The following KCNU1 variants were observed in gnomAD, a reference collection of about 807,000 sequenced individuals.
KCNU1 encodes potassium calcium-activated channel subfamily U member 1.
KCNU1 carries 93 observed loss-of-function variants against 126.8 expected under a neutral mutation model. The observed-to-expected ratio is 0.73, with a 90% confidence interval of 0.62 to 0.87. The LOEUF (loss-of-function observed/expected upper bound fraction) is 0.87. KCNU1 is among the 40% of genes least tolerant of loss of function. The pLI, the probability that KCNU1 is intolerant of heterozygous loss-of-function variation, is 0.00. For missense variants in KCNU1, 1,330 were observed against 1,367.1 expected, an observed-to-expected ratio of 0.97 and a Z score of 0.43; for synonymous variants, 523 against 494.2, an observed-to-expected ratio of 1.06 and a Z score of -0.77.
chr8:36,883,574 AGGAGTTCAAGACCAG>A (rs1427006507), intron 19 of KCNU1, among the ~76,000 whole-genome samples: 1 of 152,116 alleles, frequency 6.6e-6, no homozygotes, highest in Non-Finnish European at 1.5e-5. Context: ...ACTTGAGCCC[AGGAGTTCAAGACCAG>A]CCTGGGCAAC....
rs1182230975 is a variant in KCNU1 at position 36,836,833 on chromosome 8, G to T, written c.1406G>T (p.Gly469Val). Residue 469 changes from glycine to valine, a missense_variant, in exon 14 of 27, where the codon GGA becomes GTA. By Grantham distance (109) the Gly-to-Val change is moderately radical. This residue lies in a region of KCNU1 where 1,054 missense variants were observed against 1,053.9 expected (regional missense o/e 1.00). Coordinates refer to ENST00000399881, the MANE Select transcript of KCNU1 (RefSeq NM_001031836.3). ...ATTCCCAGCTGGAACTGGGACACCG[G>T]AGACAACATCATCTGCTTTGCTGAA... The part of the protein sequence containing the change: ...PKIPSWNWDT[G>V]DNIICFAELK... 6.2e-7 allele frequency: 1 copy of T among 1,613,698 alleles called. No homozygotes were observed. Among genetic ancestry groups the T allele is most frequent in the Non-Finnish European group, 8.5e-7 (1 of 1,179,802 alleles).
intron 2 of KCNU1, among the ~76,000 whole-genome samples, chr8:36,790,268 C>T (rs1406025920): frequency 6.6e-6 from 1 of 151,628 alleles, no homozygotes; most frequent in Non-Finnish European, 1.5e-5. Flanking sequence ...AAAATATAAC[C>T]TCAAGATATG....
intron 24 of KCNU1, chr8:36,922,861 C>G (rs1366130989): frequency 3.4e-6 from 2 of 587,884 alleles, no homozygotes; most frequent in South Asian, 3.4e-5. Flanking sequence ...AGCCAGAACC[C>G]CTGATGCCAG....
chr8:36,885,119 A>G (rs1026992056), intron 19 of KCNU1, among the ~76,000 whole-genome samples: 6 of 152,308 alleles, frequency 3.9e-5, no homozygotes, highest in Non-Finnish European at 7.4e-5. Flanking sequence ...TGGATAAGGT[A>G]TAGAATGAGA....
At chr8:36,880,037 G>T (rs1010879852) in intron 19 of KCNU1, among the ~76,000 whole-genome samples, 3 of 152,210 alleles carry the variant, frequency 2.0e-5, no homozygotes, top group Non-Finnish European at 4.4e-5. Context: ...ATATACAGAA[G>T]CTTGGGAAAA....
chr8:36,920,845 A>T (rs1275000883), intron 23 of KCNU1, among the ~76,000 whole-genome samples: 1 of 152,228 alleles, frequency 6.6e-6, no homozygotes, highest in Non-Finnish European at 1.5e-5. Context: ...TATGAAAATA[A>T]AGCTGTTCTC....
chr8:36,835,212 G>A (rs1371092346), intron 12 of KCNU1, among the ~76,000 whole-genome samples: 2 of 152,146 alleles, frequency 1.3e-5, no homozygotes, highest in African/African-American at 4.8e-5. Context: ...AAATGAAGAT[G>A]CAATTTTATG....
intron 19 of KCNU1, among the ~76,000 whole-genome samples, chr8:36,904,312 C>A (rs569825692): frequency 6.6e-6 from 1 of 152,232 alleles, no homozygotes; most frequent in South Asian, 2.1e-4. Flanking sequence ...CTAGAAGAGA[C>A]CCTGAGAACT....
At chr8:36,798,797 T>C (rs1461031253) in intron 2 of KCNU1, among the ~76,000 whole-genome samples, 1 of 152,196 alleles carries the variant, frequency 6.6e-6, no homozygotes, top group African/African-American at 2.4e-5. Context: ...ATGTATTTGA[T>C]TGCTGTCTCA....
At chr8:36,785,098 A>C (rs1802666985) in intron 1 of KCNU1, among the ~76,000 whole-genome samples, 1 of 152,264 alleles carries the variant, frequency 6.6e-6, no homozygotes, top group African/African-American at 2.4e-5. Flanking sequence ...TACACAGAGA[A>C]GCCCATGCAT....
intron 19 of KCNU1, among the ~76,000 whole-genome samples, chr8:36,881,351 T>C (rs1410409778): frequency 6.6e-6 from 1 of 152,046 alleles, no homozygotes; most frequent in Non-Finnish European, 1.5e-5. Context: ...GCCTCTGGGG[T>C]AACTAGTACT....
intron 18 of KCNU1, among the ~76,000 whole-genome samples, chr8:36,857,632 G>GT (rs55864395): frequency 0.35 from 53,694 of 151,742 alleles, 10,078 homozygotes; most frequent in Admixed American, 0.43. Context: ...TTTGTTTTTT[G>GT]TTTTTTTGTT....
At chr8:36,806,430 C>T in intron 5 of KCNU1, 50 bp downstream of exon 5, 4 of 916,788 alleles carry the variant, frequency 4.4e-6, no homozygotes, top group South Asian at 1.6e-5. Context: ...AAAATAAAAA[C>T]TCAACATTCA....
At chr8:36,798,904 T>A (rs1487565049) in intron 2 of KCNU1, among the ~76,000 whole-genome samples, 2 of 152,222 alleles carry the variant, frequency 1.3e-5, no homozygotes, top group African/African-American at 4.8e-5. Context: ...CCATGGTCAC[T>A]CATATTTGGC....
chr8:36,931,216 C>T, intron 25 of KCNU1, 71 bp downstream of exon 25: 1 of 1,102,922 alleles, frequency 9.1e-7, no homozygotes, highest in Non-Finnish European at 1.3e-6. Context: ...ATGGTCCAGG[C>T]TATTTGGGTT....
intron 9 of KCNU1, 77 bp from the exon 10 acceptor site, chr8:36,817,573 A>G (rs544000129): frequency 7.3e-6 from 5 of 685,246 alleles, no homozygotes; most frequent in South Asian, 3.8e-5. Flanking sequence ...GTTTAAGCCA[A>G]TTATTTATCT....
intron 24 of KCNU1, among the ~76,000 whole-genome samples, chr8:36,926,491 A>AT (rs1808537873): frequency 6.6e-6 from 1 of 152,072 alleles, no homozygotes; most frequent in South Asian, 2.1e-4. Flanking sequence ...CCTGCATAAG[A>AT]TTCAATTGCA....
chr8:36,846,663 G>A (rs1177553684), intron 18 of KCNU1, among the ~76,000 whole-genome samples: 1 of 151,888 alleles, frequency 6.6e-6, no homozygotes, highest in Non-Finnish European at 1.5e-5. Flanking sequence ...TTAGCTGGGC[G>A]TGGCAGCGTG....
chr8:36,830,674 G>T (rs995492275), intron 10 of KCNU1, among the ~76,000 whole-genome samples: 1 of 151,812 alleles, frequency 6.6e-6, no homozygotes, highest in Non-Finnish European at 1.5e-5. Context: ...TTTATTTGAG[G>T]GGTGTGTGTG....
Sources: gnomAD v4.1 joint callset for allele counts (sites outside exome capture counted in the v4.1 genomes callset) on GRCh38, gnomAD v4.1.1 for gene constraint, gnomAD v4.1.1 regional missense constraint, MANE v1.5 for transcripts, NCBI Gene and HGNC (gene_info 2026-07-23, HGNC 2026-07-21) for gene names.